The following RFX1 variants were observed in gnomAD, a reference collection of about 807,000 sequenced individuals.
The protein encoded by RFX1 is regulatory factor X1, also known as MHC class II regulatory factor RFX1.
In RFX1, 42 loss-of-function variants were observed where a neutral mutation model predicts 119.6. The observed-to-expected ratio is 0.35, with a 90% CI of 0.27 to 0.45. RFX1 has a LOEUF of 0.45. RFX1 is among the 20% of genes least tolerant of loss of function. The pLI is 1.00. For missense variants in RFX1, 1,118 were observed against 1,368.1 expected (o/e 0.82, Z 2.88); for synonymous variants, 628 against 618.5 (o/e 1.02, Z -0.23).
At position 13,979,553 on chromosome 19, in the gene RFX1, A is replaced by G; in HGVS notation, c.739-11T>C. On this transcript the variant is annotated splice_polypyrimidine_tract_variant and intron_variant, in intron 6 of 20. Coordinates refer to ENST00000254325, the MANE Select transcript of RFX1 (RefSeq NM_002918.5). Reference sequence around the variant, plus strand: ...CTGGACCACAGATCTCTGGGAGGGGAAAGGCAACAATAAGATGACCATGGC... The same window carrying G: ...CTGGACCACAGATCTCTGGGAGGGGGAAGGCAACAATAAGATGACCATGGC... 2 of 1,571,928 alleles carry G rather than the reference A, an allele frequency of 1.3e-6. No individual in the cohort carries two copies. Among genetic ancestry groups the G allele is most frequent in the Non-Finnish European group, 8.7e-7 (1 of 1,155,508 alleles).
chr19:13,991,892 C>T (rs1409758067), intron 2 of RFX1, among the ~76,000 whole-genome samples: 3 of 152,068 alleles, frequency 2.0e-5, no homozygotes, highest in African/African-American at 7.2e-5. Flanking sequence ...GAACTCCTGA[C>T]CTCAAGTGAT....
Position 13,965,416 on chromosome 19 carries a change from A to G in RFX1, c.2211+33T>C. ...GAGGAGACGGAGGCCTAAGCCCCAG[A>G]GATAGGAGAAAGGGACCCCCTCACA... On this transcript the variant is annotated intron_variant, in intron 16 of 20. Coordinates refer to ENST00000254325, the MANE Select transcript of RFX1 (RefSeq NM_002918.5). The surrounding 1 kb of genome is among the most constrained non-coding windows in gnomAD (Gnocchi z 4.7). The G allele has an allele frequency of 1.3e-6, 2 of 1,586,240 alleles. No homozygotes were observed. Among genetic ancestry groups the G allele is most frequent in the Non-Finnish European group, 8.7e-7 (1 of 1,155,936 alleles).
At position 13,982,218 on chromosome 19, in the gene RFX1, G is replaced by A. The variant is rs1460355861; in HGVS notation, c.524C>T (p.Thr175Met). 1 of 1,310,840 alleles carries A rather than the reference G, an allele frequency of 7.6e-7. No homozygotes were observed. The highest frequency in any genetic ancestry group is 1.5e-5 in the African/African-American group (1 of 66,478). 81.2% of individuals were successfully genotyped at this position (1,310,840 alleles called of 1,614,324 possible). The change falls in exon 5 of 21, where the codon ACG becomes ATG. Residue 175 changes from threonine to methionine, a missense_variant. Thr to Met is a moderately conservative substitution (Grantham distance 81, BLOSUM62 -1). Around this residue, in one of 5 missense-constraint regions of RFX1, gnomAD observed 542 missense variants for 602.7 expected, o/e 0.90. Coordinates refer to ENST00000254325, the MANE Select transcript of RFX1 (RefSeq NM_002918.5). ...NIQVPQQALP[T>M]QRLVVQSAAP... ...TGCGCTCTGCACCACCAGACGCTGC[G>A]TGGGAAGAGCCTGGGGCCAGGGAGG...
chr19:13,967,159 C>G (rs534261483), intron 12 of RFX1, among the ~76,000 whole-genome samples: 1 of 152,276 alleles, frequency 6.6e-6, no homozygotes, highest in Admixed American at 6.5e-5. Context: ...AGGGATGCCC[C>G]TCGACTCTGC....
At chr19:13,975,740 G>GA (rs1568466127) in intron 8 of RFX1, among the ~76,000 whole-genome samples, 1 of 152,248 alleles carries the variant, frequency 6.6e-6, no homozygotes, top group African/African-American at 2.4e-5. Flanking sequence ...CTGAATAAAT[G>GA]AATGTGTGCA....
At position 13,968,804 on chromosome 19, in the gene RFX1, C is replaced by A. The variant is rs1177700853; in HGVS notation, c.1587G>T (p.Met529Ile). ...GCTTCTGCGAGAAGGGCTGGCCCCGCATGGCCATGTGCTGCTGGTCCTCCA... is the reference window on the plus strand; with the variant it reads ...GCTTCTGCGAGAAGGGCTGGCCCCGAATGGCCATGTGCTGCTGGTCCTCCA... ...RLMEDQQHMA[M>I]RGQPFSQKQR... Residue 529 changes from methionine (M) to isoleucine (I), a missense_variant, in exon 11 of 21, where the codon ATG becomes ATT. Transcript: ENST00000254325. The surrounding 1 kb of genome is among the most constrained non-coding windows in gnomAD (Gnocchi z 5.5). 8 of 1,574,772 alleles carry A rather than the reference C, an allele frequency of 5.1e-6. No homozygotes were observed. The highest frequency in any genetic ancestry group is 1.7e-4 in the Middle Eastern group (1 of 5,994).
rs751620307 is a variant in RFX1 at position 13,972,847 on chromosome 19, C to T, written c.1210G>A (p.Gly404Arg). ...GGGGGGSGSTGGGGSGAGTYV... is the reference protein window; with the variant it reads ...GGGGGGSGSTRGGGSGAGTYV... ...GTGCCTGCTCCGCTGCCGCCGCCTC[C>T]GGTGCTGCCACTGCCACCCCCGCCA... is the stretch of plus-strand genomic sequence containing the variant. Residue 404 changes from glycine to arginine, a missense_variant, in exon 9 of 21, where the codon GGA (glycine) becomes AGA (arginine). Around this residue, in one of 5 missense-constraint regions of RFX1, gnomAD observed 542 missense variants for 602.7 expected, o/e 0.90. Coordinates refer to ENST00000254325, the MANE Select transcript of RFX1 (RefSeq NM_002918.5). The T allele has an allele frequency of 3.4e-5, 53 of 1,577,328 alleles. No individual in the cohort carries two copies. The highest frequency in any genetic ancestry group is 9.4e-5 in the East Asian group (4 of 42,722).
rs73519604 is a variant in RFX1 at position 13,996,440 on chromosome 19, G to A, written c.-52-2545C>T. Among the ~76,000 whole-genome samples, 1,182 of 152,330 alleles carry A rather than the reference G, an allele frequency of 7.8e-3. 19 individuals carry two copies. Among genetic ancestry groups the A allele is most frequent in the African/African-American group, 0.027 (1,131 of 41,584 alleles). On this transcript the variant is annotated intron_variant, in intron 1 of 20. Coordinates refer to ENST00000254325, the MANE Select transcript of RFX1 (RefSeq NM_002918.5). Reference sequence around the variant, plus strand: ...GATGTGCCCAGATGGCCCTCCAGCCGCAGGGTGACCCTCAAAGGAAGGAGG... The same window carrying A: ...GATGTGCCCAGATGGCCCTCCAGCCACAGGGTGACCCTCAAAGGAAGGAGG...
rs1973673771 is a variant in RFX1 at position 13,961,806 on chromosome 19, C to CTT, written c.*888_*889insAA. 2.0e-5 allele frequency: 3 copies of CTT among 152,274 alleles called. No individual in the cohort carries two copies. The highest frequency in any genetic ancestry group is 4.4e-5 in the Non-Finnish European group (3 of 68,056). 9.4% of individuals were successfully genotyped at this position (152,274 alleles called of 1,614,324 possible). ...GCTGAAAACACTGAGAAAACTGGAA[C>CTT]AGATAAGGCCATGATGGTTGGAAAA... is the stretch of plus-strand genomic sequence containing the variant. On this transcript the variant is annotated 3_prime_UTR_variant, in exon 21 of 21. Coordinates refer to ENST00000254325, the MANE Select transcript of RFX1 (RefSeq NM_002918.5).
chr19:13,963,239 G>A lies in RFX1; in HGVS notation c.2607C>T (p.Ala869=), dbSNP rs369465188. The change falls in exon 19 of 21, where the codon GCC becomes GCT. Residue 869 remains alanine (A), a synonymous_variant. Coordinates refer to ENST00000254325, the MANE Select transcript of RFX1 (RefSeq NM_002918.5). ...MVIRDLTLRS[A]ASFGSFHLIR... is the part of the protein sequence containing the mutation. Reference sequence around the variant, plus strand: ...TGAGGTGGAAGGAACCGAAGCTGGCGGCGCTGCGCAGGGTCAGGTCCCGGA... The same window carrying A: ...TGAGGTGGAAGGAACCGAAGCTGGCAGCGCTGCGCAGGGTCAGGTCCCGGA... 5 of 1,612,062 alleles carry A rather than the reference G, an allele frequency of 3.1e-6. No homozygotes were observed. The African/African-American group carries it at 6.7e-5, about 22-fold the overall frequency.
intron 7 of RFX1, among the ~76,000 whole-genome samples, chr19:13,978,990 C>G (rs892339206): frequency 2.6e-5 from 4 of 151,594 alleles, no homozygotes; most frequent in Non-Finnish European, 5.9e-5. Context: ...CGCCGCTGCA[C>G]GCGGGCGGCC....
Position 13,965,489 on chromosome 19 carries a change from T to C in RFX1, c.2171A>G (p.His724Arg), listed in dbSNP as rs1039685384. 6.2e-7 allele frequency: 1 copy of C among 1,613,366 alleles called. No individual in the cohort carries two copies. Among genetic ancestry groups the C allele is most frequent in the Admixed American group, 1.7e-5 (1 of 59,936 alleles). Residue 724 changes from histidine (H) to arginine (R), a missense_variant, in exon 16 of 21, where the codon CAC becomes CGC. By Grantham distance (29) the His-to-Arg change is conservative. Around this residue, in one of 5 missense-constraint regions of RFX1, gnomAD observed 338 missense variants for 508.9 expected, o/e 0.66. Coordinates refer to ENST00000254325, the MANE Select transcript of RFX1 (RefSeq NM_002918.5). The surrounding 1 kb of genome is among the most constrained non-coding windows in gnomAD (Gnocchi z 4.7). ...CTCCTCGGGGATGTTGACCATGGCG[T>C]GGGTGAGCCAGCTCTCCAGGCTCTT... ...FAKSLESWLT[H>R]AMVNIPEEML...
At chr19:14,006,365 G>C (rs1005515349), upstream of RFX1, 1 of 152,306 alleles carries the variant, frequency 6.6e-6, no homozygotes, top group Non-Finnish European at 1.5e-5. Context: ...GCGGGGCCCG[G>C]GGTGATTGGC....
In RFX1 at chr19:13,972,880, C is replaced by T. The variant is rs1397778721; in HGVS notation, c.1177G>A (p.Gly393Arg). Residue 393 changes from glycine to arginine, a missense_variant, in exon 9 of 21, where the codon GGA becomes AGA. Transcript: ENST00000254325. ...GGSGGGGGGG[G>R]GGGGGGSGST... is the part of the protein sequence containing the mutation. ...CCACTGCCACCCCCGCCACCGCCTC[C>T]CCCGCCGCCGCCGCCACCACCACTG... The T allele has an allele frequency of 3.2e-6, 5 of 1,560,720 alleles. No homozygotes were observed. In the South Asian group the frequency reaches 4.6e-5, roughly 14 times the overall value.
In RFX1 at chr19:14,002,461, G is replaced by A. The variant is rs536154021; in HGVS notation, c.-53+3642C>T. 4.6e-5 allele frequency among the ~76,000 whole-genome samples: 7 copies of A among 152,104 alleles called. No individual in the cohort carries two copies. The South Asian group carries it at 1.5e-3, about 32-fold the overall frequency. ...GATCACGCCACTGCACTCCATCCTG[G>A]GCGACAGAGTAGGACTCTGTCTCAA... On this transcript the variant is annotated intron_variant, in intron 1 of 20. Coordinates refer to ENST00000254325, the MANE Select transcript of RFX1 (RefSeq NM_002918.5).
At chr19:13,995,605 C>T (rs1568481969) in intron 1 of RFX1, among the ~76,000 whole-genome samples, 1 of 152,192 alleles carries the variant, frequency 6.6e-6, no homozygotes, top group Admixed American at 6.5e-5. Context: ...AATCCCAACA[C>T]TTTGGGAGAC....
intron 17 of RFX1, 40 bp downstream of exon 17, chr19:13,963,818 C>T (rs532002697): frequency 1.3e-6 from 2 of 1,497,270 alleles, no homozygotes; most frequent in African/African-American, 1.4e-5. Context: ...CCCCGTTAGG[C>T]TGCCCCTCAT....
At position 13,985,651 on chromosome 19, in the gene RFX1, GGGC is replaced by G. The variant is rs1305808507; in HGVS notation, c.320-2059_320-2057del. 6.6e-6 allele frequency among the ~76,000 whole-genome samples: 1 copy of G among 152,254 alleles called. No individual in the cohort carries two copies. Among genetic ancestry groups the G allele is most frequent in the Non-Finnish European group, 1.5e-5 (1 of 68,042 alleles). ...GGAACCGGAGTCACTGGTTCTGCCT[GGGC>G]TGCGCCCCAAGGGCAGTGATGTGTG... On this transcript the variant is annotated intron_variant, in intron 2 of 20. Transcript: ENST00000254325. The surrounding 1 kb of genome is among the most constrained non-coding windows in gnomAD (Gnocchi z 4.3).
chr19:13,973,253 A>T, intron 8 of RFX1, 126 bp from the exon 9 acceptor site: 1 of 693,668 alleles, frequency 1.4e-6, no homozygotes, highest in South Asian at 1.7e-5. Context: ...TGCAGCAAGG[A>T]GCAGATCCTA....
Sources: gnomAD v4.1 joint callset for allele counts (sites outside exome capture counted in the v4.1 genomes callset) on GRCh38, gnomAD v4.1.1 for gene constraint, gnomAD v4.1.1 regional missense constraint, Gnocchi (gnomAD v3.1) non-coding constraint, MANE v1.5 for transcripts, NCBI Gene and HGNC (gene_info 2026-07-23, HGNC 2026-07-21) for gene names.